The following INTS11 variants were observed in gnomAD, a reference collection of about 807,000 sequenced individuals.
The protein encoded by INTS11 is CPSF3-like protein.
INTS11 carries 77 observed loss-of-function variants against 78.6 expected under a neutral mutation model. The observed-to-expected ratio is 0.98, with a 90% CI of 0.81 to 1.18. The LOEUF (loss-of-function observed/expected upper bound fraction) is 1.18, where lower values mean the gene tolerates loss of function less well. INTS11 is among the 50% of genes most tolerant of loss of function. The pLI, the probability that INTS11 is intolerant of heterozygous loss-of-function variation, is 0.00. For synonymous variants in INTS11, 441 were observed against 326.9 expected (o/e 1.35, Z -3.77); for missense variants, 875 against 825.9 (o/e 1.06, Z -0.73).
At position 1,314,977 on chromosome 1, in the gene INTS11, TG is replaced by T; in HGVS notation, c.564-16del. Reference sequence around the variant, plus strand: ...TCCAGGCAGCTCTGGAACACGGGGGTGGGGGTGTGAGCCACGATGCACTGTC... The same window carrying T: ...TCCAGGCAGCTCTGGAACACGGGGGTGGGGTGTGAGCCACGATGCACTGTC... On this transcript the variant is annotated splice_polypyrimidine_tract_variant and intron_variant, in intron 6 of 16. Coordinates refer to ENST00000435064, the MANE Select transcript of INTS11 (RefSeq NM_017871.6). The surrounding 1 kb of genome is among the most constrained non-coding windows in gnomAD (Gnocchi z 4.2). 7.5e-6 allele frequency: 12 copies of T among 1,607,392 alleles called. No individual in the cohort carries two copies. Among genetic ancestry groups the T allele is most frequent in the Non-Finnish European group, 1.0e-5 (12 of 1,176,866 alleles).
intron 1 of INTS11, among the ~76,000 whole-genome samples, chr1:1,323,669 C>A (rs549035735): frequency 6.6e-6 from 1 of 151,474 alleles, no homozygotes; most frequent in South Asian, 2.1e-4. Context: ...CCTCTGCCTT[C>A]CAAAGTGCTG....
In INTS11 at chr1:1,312,064, G is replaced by C; in HGVS notation, c.1691C>G (p.Ser564Cys). Reference protein sequence around the residue: ...ESVLLQAAAPSEDPGTKVLLV... With the variant: ...ESVLLQAAAPCEDPGTKVLLV... ...CAGCACCTTGGTGCCTGGGTCCTCA[G>C]AAGGGGCGGCGGCCTGGAGGAGGAC... The change falls in exon 16 of 17, where the codon TCT becomes TGT. Residue 564 changes from serine to cysteine, a missense_variant. Physicochemically the swap from Ser to Cys is moderately radical, Grantham distance 112. Coordinates refer to ENST00000435064, the MANE Select transcript of INTS11 (RefSeq NM_017871.6). 6.4e-7 allele frequency: 1 copy of C among 1,573,018 alleles called. No homozygotes were observed. Among genetic ancestry groups the C allele is most frequent in the Non-Finnish European group, 8.6e-7 (1 of 1,158,190 alleles).
At position 1,312,213 on chromosome 1, in the gene INTS11, G is replaced by GGGGGGGGGCCCCCCCCCCCCCCCCC; in HGVS notation, c.1607+12_1607+13insGGGGGGGGGGGGGGGGGCCCCCCCC. On this transcript the variant is annotated intron_variant, in intron 15 of 16. Coordinates refer to ENST00000435064, the MANE Select transcript of INTS11 (RefSeq NM_017871.6). ...CCCAAGGGAGTGGGGGGGGGGCGGGGCCGGGCGCCCACCTCTTGAGGTGGC... is the reference window on the plus strand; with the variant it reads ...CCCAAGGGAGTGGGGGGGGGGCGGGGGGGGGGGGCCCCCCCCCCCCCCCCCCCGGGCGCCCACCTCTTGAGGTGGC... The GGGGGGGGGCCCCCCCCCCCCCCCCC allele has an allele frequency of 1.1e-6, 1 of 934,610 alleles. No homozygotes were observed. The highest frequency in any genetic ancestry group is 1.6e-6 in the Non-Finnish European group (1 of 636,660). The allele number at this position is 934,610 out of a possible 1,614,324, so 57.9% of individuals were successfully genotyped here.
Position 1,312,255 on chromosome 1 carries a change from C to CGTCT in INTS11, c.1574_1577dup (p.Ala527AspfsTer40). 1 of 1,542,768 alleles carries CGTCT rather than the reference C, an allele frequency of 6.5e-7. No homozygotes were observed. The highest frequency in any genetic ancestry group is 8.7e-7 in the Non-Finnish European group (1 of 1,143,866). On this transcript the variant is annotated frameshift_variant, in exon 15 of 17. Coordinates refer to ENST00000435064, the MANE Select transcript of INTS11 (RefSeq NM_017871.6). LOFTEE classifies it high-confidence loss of function. ...TGAGGTGGCTGTAGACGCGCAATGC[C>CGTCT]GTCTCCTGCTCCTTGCGTGTGTCAT...
At position 1,315,517 on chromosome 1, in the gene INTS11, G is replaced by C. The variant is rs1206380734; in HGVS notation, c.528+3C>G. 1 of 1,612,636 alleles carries C rather than the reference G, an allele frequency of 6.2e-7. No individual in the cohort carries two copies. The highest frequency in any genetic ancestry group is 8.5e-7 in the Non-Finnish European group (1 of 1,179,664). ...CTCCCAAGCCTCAAGCCCTTCCACT[G>C]ACCGTGTAGACCACAGACTCTGAGC... On this transcript the variant is annotated splice_donor_region_variant and intron_variant, in intron 5 of 16. Coordinates refer to ENST00000435064, the MANE Select transcript of INTS11 (RefSeq NM_017871.6).
In INTS11 at chr1:1,320,498, T is replaced by C. The variant is rs746494463; in HGVS notation, c.158A>G (p.Gln53Arg). The stretch of plus-strand genomic sequence containing the variant: ...CAGGAAGTCTGTTAGGCGGCCGTTC[T>C]GGGTGATGTAGGAGAAGTCAGGGAA... ...RRFPDFSYIT[Q>R]NGRLTDFLDC... The change falls in exon 3 of 17, where the codon CAG becomes CGG. Residue 53 changes from glutamine (Q) to arginine (R), a missense_variant. Physicochemically the swap from Gln to Arg is conservative, Grantham distance 43. Transcript: ENST00000435064. 1.9e-6 allele frequency: 3 copies of C among 1,613,926 alleles called. No homozygotes were observed. Among genetic ancestry groups the C allele is most frequent in the Middle Eastern group, 1.7e-4 (1 of 6,060 alleles).
At chr1:1,315,641 CAGG>C (rs751156055) in intron 4 of INTS11, 23 bp from the exon 5 acceptor site, 13 of 1,578,934 alleles carry the variant, frequency 8.2e-6, no homozygotes, top group Non-Finnish European at 1.0e-5. Context: ...GGGCTGCGCT[CAGG>C]CTGTGTCCTC....
intron 4 of INTS11, chr1:1,318,978 C>T (rs571427546): frequency 2.0e-5 from 14 of 717,272 alleles, no homozygotes; most frequent in South Asian, 8.9e-5. Context: ...AGTCTCTGGC[C>T]GCTCCAAGCG....
chr1:1,312,930 A>G lies in INTS11; in HGVS notation c.1151T>C (p.Val384Ala). 2.5e-6 allele frequency: 4 copies of G among 1,611,978 alleles called. No homozygotes were observed. The highest frequency in any genetic ancestry group is 1.1e-5 in the South Asian group (1 of 91,062). ...GRQVLEVKMQ[V>A]EYMSFSAHAD... ...GTGTGCGCTGAATGACATGTACTCC[A>G]CCTGCATCTTGACCTCCAGCTACAG... is the stretch of plus-strand genomic sequence containing the variant. The change falls in exon 12 of 17, where the codon GTG becomes GCG. Residue 384 changes from valine (V) to alanine (A), a missense_variant. Transcript: ENST00000435064.
chr1:1,311,920 T>C lies in INTS11; in HGVS notation c.1742A>G (p.Glu581Gly). Residue 581 changes from glutamate (E) to glycine (G), a missense_variant, in exon 17 of 17, where the codon GAG becomes GGG. Glu to Gly is a moderately conservative substitution (Grantham distance 98). Transcript: ENST00000435064. ...VLLVSWTYQD[E>G]ELGSFLTSLL... ...AGATGTGAGGAAGCTCCCCAGCTCCTCGTCCTAGGGCAGAGGCAAAAGCAT... is the reference window on the plus strand; with the variant it reads ...AGATGTGAGGAAGCTCCCCAGCTCCCCGTCCTAGGGCAGAGGCAAAAGCAT... 1.9e-6 allele frequency: 3 copies of C among 1,577,300 alleles called. No homozygotes were observed. The highest frequency in any genetic ancestry group is 2.6e-6 in the Non-Finnish European group (3 of 1,160,116).
intron 9 of INTS11, 58 bp from the exon 10 acceptor site, chr1:1,313,650 T>C: frequency 6.2e-7 from 1 of 1,611,070 alleles, no homozygotes; most frequent in Non-Finnish European, 8.5e-7. Flanking sequence ...CCACCCCCAC[T>C]GCAGGCCCAA....
At chr1:1,320,622 G>A (rs762902696) in intron 2 of INTS11, 93 bp from the exon 3 acceptor site, 8 of 1,249,890 alleles carry the variant, frequency 6.4e-6, no homozygotes, top group African/African-American at 4.4e-5. Context: ...CAGGAAGGGG[G>A]GTTCTATGTG....
intron 3 of INTS11, 91 bp from the exon 4 acceptor site, chr1:1,319,615 G>A (rs917132803): frequency 1.2e-6 from 1 of 840,638 alleles, no homozygotes; most frequent in Non-Finnish European, 1.8e-6. Context: ...CCCTTCATTC[G>A]CCTGCTGTGC....
intron 1 of INTS11, chr1:1,323,330 A>G (rs931120595): frequency 6.5e-7 from 1 of 1,528,162 alleles, no homozygotes; most frequent in Non-Finnish European, 8.8e-7. Context: ...GGCCACCAAC[A>G]CCATGTCCCT....
At chr1:1,315,008 C>T (rs550814894) in intron 6 of INTS11, 46 bp from the exon 7 acceptor site, 77 of 1,595,538 alleles carry the variant, frequency 4.8e-5, no homozygotes, top group South Asian at 1.8e-4. Context: ...ACTGTCCCCA[C>T]GGTTGCAGGG....
chr1:1,319,756 A>G (rs1036368001), intron 3 of INTS11: 5 of 556,436 alleles, frequency 9.0e-6, no homozygotes, highest in Non-Finnish European at 1.6e-5. Flanking sequence ...TGACGGCGAC[A>G]TGCTCGCGAG....
Position 1,311,986 on chromosome 1 carries a change from T to C in INTS11, c.1737+32A>G, listed in dbSNP as rs1343321039. 3.8e-6 allele frequency: 6 copies of C among 1,594,458 alleles called. 1 individual carries two copies. The highest frequency in any genetic ancestry group is 3.3e-4 in the Middle Eastern group (2 of 5,990). ...ACAGGGAGGAATGTTGATACCTGTG[T>C]TGACCGCGGTGGGGTGGGGGTCACC... On this transcript the variant is annotated intron_variant, in intron 16 of 16. Transcript: ENST00000435064.
rs1642397704 is a variant in INTS11 at position 1,313,747 on chromosome 1, G to A, written c.942C>T (p.Asp314=). Residue 314 remains aspartate, a synonymous_variant, in exon 9 of 17, where the codon GAC becomes GAT. Transcript: ENST00000435064. ...HIKAFDRAFA[D]NPGPMVVFAT... ...CGGGCCTCACCATCGGTCCTGGGTT[G>A]TCAGCAAAAGCCCGGTCGAAGGCCT... 4 of 1,613,046 alleles carry A rather than the reference G, an allele frequency of 2.5e-6. No homozygotes were observed. Among genetic ancestry groups the A allele is most frequent in the Admixed American group, 3.3e-5 (2 of 60,022 alleles).
At chr1:1,323,212 G>T in intron 1 of INTS11, 1 of 1,550,314 alleles carries the variant, frequency 6.5e-7, no homozygotes, top group Non-Finnish European at 8.7e-7. Flanking sequence ...TCCCGTCCTG[G>T]TGTCTGTGCT....
Sources: gnomAD v4.1 joint callset for allele counts (sites outside exome capture counted in the v4.1 genomes callset) on GRCh38, gnomAD v4.1.1 for gene constraint, Gnocchi (gnomAD v3.1) non-coding constraint, MANE v1.5 for transcripts, NCBI Gene and HGNC (gene_info 2026-07-23, HGNC 2026-07-21) for gene names.